The following UTRN variants were observed in gnomAD, a reference collection of about 807,000 sequenced individuals.
UTRN encodes dystrophin-related protein 1.
In UTRN, 283 loss-of-function variants were observed where a neutral mutation model predicts 463.9. That is an observed-to-expected ratio of 0.61 (90% CI 0.55 to 0.67). The LOEUF is 0.67. Ranked by LOEUF, UTRN falls within the 30% of genes least tolerant of loss-of-function variation. The pLI is 0.00. For missense variants in UTRN, 3,922 were observed against 4,084.3 expected, an observed-to-expected ratio of 0.96 and a Z score of 1.08; for synonymous variants, 1,442 against 1,431.5, an observed-to-expected ratio of 1.01 and a Z score of -0.17.
chr6:144,532,240 A>G (rs951662030), intron 42 of UTRN, among the ~76,000 whole-genome samples: 3 of 152,354 alleles, frequency 2.0e-5, no homozygotes, highest in African/African-American at 4.8e-5. Context: ...TCAATCTGTT[A>G]CTTAAACATT....
At chr6:144,801,529 T>G (rs1777698002) in intron 64 of UTRN, among the ~76,000 whole-genome samples, 1 of 151,478 alleles carries the variant, frequency 6.6e-6, no homozygotes, top group South Asian at 2.1e-4. Flanking sequence ...CTACCCAAGA[T>G]ATATATATAT....
chr6:144,406,356 C>CTTTT (rs57721924), intron 3 of UTRN, among the ~76,000 whole-genome samples: 45 of 125,546 alleles, frequency 3.6e-4, no homozygotes, highest in African/African-American at 8.9e-4. Flanking sequence ...TTTTTCTTTT[C>CTTTT]TTTTTTTTTT....
At chr6:144,519,883 A>C (rs952144560) in intron 39 of UTRN, among the ~76,000 whole-genome samples, 2 of 152,240 alleles carry the variant, frequency 1.3e-5, no homozygotes, top group Non-Finnish European at 2.9e-5. Context: ...TAACTGAAGA[A>C]GCAGCACAGG....
rs77855841 is a variant in UTRN, at chr6:144,714,972, C to T, written c.7809+14729C>T. Among the ~76,000 whole-genome samples the T allele has an allele frequency of 8.0e-3, 1,221 of 151,876 alleles. 19 individuals are homozygous for T. Among genetic ancestry groups the T allele is most frequent in the African/African-American group, 0.028 (1,151 of 41,188 alleles). ...GTTTCCCTTCCTGGTTCTTCCTTCT[C>T]TCCCCTGTCTTCTAAAATTGGGATG... On this transcript the variant is annotated intron_variant, in intron 53 of 74. Coordinates refer to ENST00000367545, the MANE Select transcript of UTRN (RefSeq NM_007124.3).
At chr6:144,405,927 A>G (rs562561275) in intron 3 of UTRN, among the ~76,000 whole-genome samples, 1 of 152,352 alleles carries the variant, frequency 6.6e-6, no homozygotes, top group South Asian at 2.1e-4. Flanking sequence ...TAGCTCAGGC[A>G]TCTGAATTAT....
intron 2 of UTRN, among the ~76,000 whole-genome samples, chr6:144,351,222 G>A (rs780420255): frequency 2.2e-4 from 34 of 152,116 alleles, no homozygotes; most frequent in Admixed American, 1.2e-3. Context: ...ATTGCAAGAA[G>A]GATTATAATA....
chr6:144,366,241 C>T (rs901882535), intron 2 of UTRN, among the ~76,000 whole-genome samples: 1 of 152,196 alleles, frequency 6.6e-6, no homozygotes, highest in Middle Eastern at 3.4e-3. Context: ...AAATTTTTAC[C>T]TATATATATT....
intron 1 of UTRN, among the ~76,000 whole-genome samples, chr6:144,287,801 A>G (rs1803839323): frequency 6.6e-6 from 1 of 152,240 alleles, no homozygotes; most frequent in African/African-American, 2.4e-5. Context: ...CAGTAAGAAC[A>G]TCTGGCTTTT....
In UTRN at chr6:144,398,125, G is replaced by A. The variant is rs1782615591; in HGVS notation, c.80-4998G>A. The A allele has an allele frequency of 1.2e-5, 3 of 246,944 alleles. No homozygotes were observed. The South Asian group carries it at 2.0e-4, about 17-fold the overall frequency. 15.3% of individuals were successfully genotyped at this position (246,944 alleles called of 1,614,324 possible). A position where few individuals can be genotyped will look rare whatever the true frequency, so the allele number is the denominator to read the frequency against. ...TGACTGGGAAGTAGATGGTTTGCCTGTGTCATCACCACGTTTTCCCTGTTC... is the reference window on the plus strand; with the variant it reads ...TGACTGGGAAGTAGATGGTTTGCCTATGTCATCACCACGTTTTCCCTGTTC... On this transcript the variant is annotated intron_variant, in intron 2 of 74. Transcript: ENST00000367545.
chr6:144,514,896 A>G (rs1585082285), intron 37 of UTRN, 76 bp downstream of exon 37: 1 of 1,393,482 alleles, frequency 7.2e-7, no homozygotes, highest in Admixed American at 2.4e-5. Context: ...CAGTACATAC[A>G]TCAACAATTT....
chr6:144,722,228 A>G (rs540214808), intron 53 of UTRN, among the ~76,000 whole-genome samples: 5 of 152,232 alleles, frequency 3.3e-5, no homozygotes, highest in African/African-American at 1.2e-4. Flanking sequence ...CTAGGCATGC[A>G]CTTGCCTCAG....
rs555648251 is a variant in UTRN, at chr6:144,385,827, A to G, written c.80-17296A>G. Among the ~76,000 whole-genome samples the G allele has an allele frequency of 4.9e-4, 74 of 151,598 alleles. 3 individuals are homozygous for G. In the East Asian group the frequency reaches 0.014, roughly 28 times the overall value. ...AAGTTCAAGTGATTCTCCTGCCTCA[A>G]CCTCCTGAGTAGCTGGGATTACAAG... On this transcript the variant is annotated intron_variant, in intron 2 of 74. Transcript: ENST00000367545.
rs767923187 is a variant in UTRN at position 144,531,040 on chromosome 6, A to C, written c.5907-12A>C. On this transcript the variant is annotated splice_polypyrimidine_tract_variant and intron_variant, in intron 41 of 74. Coordinates refer to ENST00000367545, the MANE Select transcript of UTRN (RefSeq NM_007124.3). ...TTTGGAAACCTATTTTATTTTGTGT[A>C]TTGTCCTCTAGTTGTTTTGACAGGG... The C allele has an allele frequency of 1.7e-5, 27 of 1,610,100 alleles. No individual in the cohort carries two copies. Among genetic ancestry groups the C allele is most frequent in the Non-Finnish European group, 2.0e-5 (24 of 1,177,966 alleles).
chr6:144,695,576 C>T (rs1783915453), intron 52 of UTRN, among the ~76,000 whole-genome samples: 2 of 152,204 alleles, frequency 1.3e-5, no homozygotes, highest in South Asian at 2.1e-4. Context: ...AACTCCTGAC[C>T]TTGTGATTCA....
At chr6:144,427,706 G>A (rs1785415762) in intron 7 of UTRN, among the ~76,000 whole-genome samples, 1 of 152,024 alleles carries the variant, frequency 6.6e-6, no homozygotes, top group South Asian at 2.1e-4. Context: ...GTTTTTAGTT[G>A]GTTAAGGGAT....
At chr6:144,330,727 C>A in intron 2 of UTRN, 14 of 750,714 alleles carry the variant, frequency 1.9e-5, no homozygotes, top group Non-Finnish European at 2.3e-5. Context: ...GAGGCTCAGA[C>A]AGAGCAGACC....
chr6:144,557,516 A>G (rs1284160401), intron 50 of UTRN, among the ~76,000 whole-genome samples: 2 of 152,134 alleles, frequency 1.3e-5, no homozygotes, highest in South Asian at 4.1e-4. Flanking sequence ...AATTTTTACA[A>G]TGGAGTTTTT....
intron 2 of UTRN, among the ~76,000 whole-genome samples, chr6:144,362,557 T>C (rs1779172578): frequency 6.6e-6 from 1 of 152,228 alleles, no homozygotes; most frequent in African/African-American, 2.4e-5. Context: ...GTGAAAGTTC[T>C]TCTTTTGTTG....
At chr6:144,625,982 G>A (rs1015982439) in intron 51 of UTRN, among the ~76,000 whole-genome samples, 7 of 152,134 alleles carry the variant, frequency 4.6e-5, no homozygotes, top group South Asian at 2.1e-4. Flanking sequence ...ACACTGGACC[G>A]ATCAAACAGT....
Sources: gnomAD v4.1 joint callset for allele counts (sites outside exome capture counted in the v4.1 genomes callset) on GRCh38, gnomAD v4.1.1 for gene constraint, MANE v1.5 for transcripts, NCBI Gene and HGNC (gene_info 2026-07-23, HGNC 2026-07-21) for gene names.